PRIM2: variants seen among roughly 807,000 people sequenced by gnomAD.
PRIM2 encodes the protein DNA primase subunit 2, also known as DNA primase large subunit.
In PRIM2, 39 loss-of-function variants were observed where a neutral mutation model predicts 67.3. The ratio of observed to expected loss-of-function variants is 0.58; its 90% CI spans 0.45 to 0.76. The LOEUF (loss-of-function observed/expected upper bound fraction) is 0.76. PRIM2 is among the 30% of genes least tolerant of loss of function. PRIM2 has a pLI of 0.00. For missense variants in PRIM2, 398 were observed against 598.7 expected, an observed-to-expected ratio of 0.66 and a Z score of 3.50; for synonymous variants, 143 against 198.7, an observed-to-expected ratio of 0.72 and a Z score of 2.36.
At chr6:57,261,352 A>T in the PRIM2 span, among the ~76,000 whole-genome samples, 1 of 152,288 alleles carries the variant, frequency 6.6e-6, no homozygotes, top group Non-Finnish European at 1.5e-5. Flanking sequence ...TCCATAGAAG[A>T]GATGGCCGCT....
chr6:57,388,370 C>T (rs1770219881), intron 7 of PRIM2, among the ~76,000 whole-genome samples: 1 of 152,054 alleles, frequency 6.6e-6, no homozygotes, highest in Non-Finnish European at 1.5e-5. Context: ...GGTGATATGA[C>T]TGACAGAAGT....
At chr6:57,523,132 C>T (rs1554349069) in intron 8 of PRIM2, among the ~76,000 whole-genome samples, 3 of 152,182 alleles carry the variant, frequency 2.0e-5, no homozygotes, top group South Asian at 2.1e-4. Flanking sequence ...AAATTTAGGC[C>T]GAGATGATGA....
At chr6:57,560,677 AATCTTATCATACAT>A (rs1244809358) in intron 10 of PRIM2, among the ~76,000 whole-genome samples, 11 of 150,458 alleles carry the variant, frequency 7.3e-5, no homozygotes, top group African/African-American at 2.7e-4. Flanking sequence ...TGAAAACATT[AATCTTATCATACAT>A]CTCCATCAAA....
chr6:57,398,686 G>T (rs11752075), intron 7 of PRIM2, among the ~76,000 whole-genome samples: 1 of 152,152 alleles, frequency 6.6e-6, no homozygotes, highest in African/African-American at 2.4e-5. Flanking sequence ...TTGAGTTCAG[G>T]TCCTAAATAT....
At chr6:57,362,326 A>G (rs1649530415) in intron 5 of PRIM2, among the ~76,000 whole-genome samples, 1 of 152,222 alleles carries the variant, frequency 6.6e-6, no homozygotes, top group South Asian at 2.1e-4. Context: ...CCTATGGTCT[A>G]TAAGAGAAAA....
intron 8 of PRIM2, among the ~76,000 whole-genome samples, chr6:57,518,450 G>C (rs1277574689): frequency 3.9e-5 from 6 of 151,966 alleles, no homozygotes; most frequent in Non-Finnish European, 8.8e-5. Flanking sequence ...TTTTGCCTAG[G>C]GTATGAGCTC....
chr6:57,274,370 T>C, the PRIM2 span, among the ~76,000 whole-genome samples: 2 of 152,190 alleles, frequency 1.3e-5, no homozygotes, highest in Non-Finnish European at 2.9e-5. Flanking sequence ...TGCAGTTTGA[T>C]CTCAGACTGC....
At chr6:57,414,578 A>G (rs1205176549) in intron 7 of PRIM2, among the ~76,000 whole-genome samples, 1 of 152,160 alleles carries the variant, frequency 6.6e-6, no homozygotes, top group East Asian at 1.9e-4. Flanking sequence ...TACTTACAAA[A>G]TAATTCCATA....
At chr6:57,642,543 C>T (rs1464846163) in intron 13 of PRIM2, among the ~76,000 whole-genome samples, 6 of 145,286 alleles carry the variant, frequency 4.1e-5, no homozygotes, top group Admixed American at 3.6e-4. Context: ...CCCGGGTTCA[C>T]GCCATTCTCC....
At chr6:57,463,324 C>G (rs1773069973) in intron 7 of PRIM2, among the ~76,000 whole-genome samples, 1 of 152,122 alleles carries the variant, frequency 6.6e-6, no homozygotes, top group Non-Finnish European at 1.5e-5. Context: ...AGACCCCCGT[C>G]TCTACAAAAA....
intron 7 of PRIM2, among the ~76,000 whole-genome samples, chr6:57,495,015 T>C (rs1773974121): frequency 7.1e-6 from 1 of 140,464 alleles, no homozygotes; most frequent in African/African-American, 2.6e-5. Flanking sequence ...TTCTGTTTTG[T>C]TTTAAATATA....
At chr6:57,251,316 T>G in the PRIM2 span, among the ~76,000 whole-genome samples, 1 of 152,196 alleles carries the variant, frequency 6.6e-6, no homozygotes, top group Non-Finnish European at 1.5e-5. Context: ...TTAGTTGAGG[T>G]AGGTGAACCG....
chr6:57,299,242 T>C, the PRIM2 span, among the ~76,000 whole-genome samples: 2 of 152,270 alleles, frequency 1.3e-5, no homozygotes, highest in East Asian at 3.9e-4. Flanking sequence ...TTTATGATTT[T>C]ATGAAACTAA....
At chr6:57,372,637 T>C (rs1398007321) in intron 5 of PRIM2, among the ~76,000 whole-genome samples, 1 of 152,160 alleles carries the variant, frequency 6.6e-6, no homozygotes, top group African/African-American at 2.4e-5. Flanking sequence ...CCAGTGTGTG[T>C]TTTTCTCCAC....
At chr6:57,578,864 G>C (rs1776020380) in intron 10 of PRIM2, among the ~76,000 whole-genome samples, 2 of 151,584 alleles carry the variant, frequency 1.3e-5, no homozygotes, top group East Asian at 3.9e-4. Context: ...TTTTAGTAGA[G>C]ACGGGGTTTC....
At chr6:57,309,346 T>C in the PRIM2 span, among the ~76,000 whole-genome samples, 1 of 137,478 alleles carries the variant, frequency 7.3e-6, no homozygotes, top group Non-Finnish European at 1.5e-5. Context: ...TGTGTCCATG[T>C]GATCTCATTG....
chr6:57,232,504 G>A, the PRIM2 span, among the ~76,000 whole-genome samples: 22 of 152,232 alleles, frequency 1.4e-4, no homozygotes, highest in Middle Eastern at 3.4e-3. Flanking sequence ...AGCTGAGATC[G>A]CGCCACTGCA....
At chr6:57,403,249 ATTTTT>A (rs71299587) in intron 7 of PRIM2, among the ~76,000 whole-genome samples, 1,518 of 109,990 alleles carry the variant, frequency 0.014, no homozygotes, top group African/African-American at 0.048. Flanking sequence ...CAGGTGAAGA[ATTTTT>A]TTTTTTTTTT....
At chr6:57,374,742 C>T (rs1769698555) in intron 5 of PRIM2, among the ~76,000 whole-genome samples, 1 of 152,112 alleles carries the variant, frequency 6.6e-6, no homozygotes, top group African/African-American at 2.4e-5. Flanking sequence ...AGGTGTGTGC[C>T]ACCATGTCCG....
Sources: gnomAD v4.1 joint callset for allele counts (sites outside exome capture counted in the v4.1 genomes callset) on GRCh38, gnomAD v4.1.1 for gene constraint, MANE v1.5 for transcripts, NCBI Gene and HGNC (gene_info 2026-07-23, HGNC 2026-07-21) for gene names.